Variants in SF3B2 observed in about 807,000 individuals in gnomAD.
The protein encoded by SF3B2 is SAP 145.
Under a neutral mutation model 116.3 loss-of-function variants are expected in SF3B2, and 22 were observed. That is an observed-to-expected ratio of 0.19 (90% CI 0.14 to 0.27). SF3B2 has a LOEUF of 0.27. SF3B2 is among the 10% of genes least tolerant of loss of function. The pLI is 1.00. For synonymous variants in SF3B2, 406 were observed against 421.6 expected (o/e 0.96, Z 0.45); for missense variants, 767 against 1,151.4 (o/e 0.67, Z 4.83).
At chr11:66,054,967 G>A in intron 3 of SF3B2, 109 bp from the exon 4 acceptor site, 1 of 1,040,390 alleles carries the variant, frequency 9.6e-7, no homozygotes, top group East Asian at 2.5e-5. Context: ...TGGTAACTAT[G>A]TATCATTTGA....
chr11:66,059,966 A>G lies in SF3B2; in HGVS notation c.1586A>G (p.Lys529Arg). 6.2e-7 allele frequency: 1 copy of G among 1,614,196 alleles called. No homozygotes were observed. The change falls in exon 13 of 22, where the codon AAA (lysine) becomes AGA (arginine). Residue 529 changes from lysine to arginine, a missense_variant. By Grantham distance (26) the Lys-to-Arg change is conservative. Coordinates refer to ENST00000322535, the MANE Select transcript of SF3B2 (RefSeq NM_006842.3). The surrounding 1 kb of genome is among the most constrained non-coding windows in gnomAD (Gnocchi z 5.0). ...KPPFELPDFI[K>R]RTGIQEMREA... is the part of the protein sequence containing the mutation. ...CCCTTCGAGCTGCCAGACTTCATCA[A>G]ACGCACAGGCATCCAGGAGATGCGA...
intron 6 of SF3B2, 30 bp from the exon 7 acceptor site, chr11:66,057,236 G>A (rs1423645704): frequency 7.3e-7 from 1 of 1,362,044 alleles, no homozygotes; most frequent in Admixed American, 1.7e-5. Context: ...TGCCTCTTCT[G>A]ACATTGGATT....
rs1482280026 is a variant in SF3B2, at chr11:66,067,985, G to A, written c.2370G>A (p.Lys790=). Residue 790 remains lysine, a synonymous_variant, in exon 20 of 22, where the codon AAG becomes AAA. Transcript: ENST00000322535. ...AGCTCTTCACTGTGTTGCCAGAGAA[G>A]AGAACAGCCACTGTTGGAGGGGCCA... ...TPQLFTVLPE[K]RTATVGGAMM... 1 of 1,614,084 alleles carries A rather than the reference G, an allele frequency of 6.2e-7. No homozygotes were observed. The highest frequency in any genetic ancestry group is 8.5e-7 in the Non-Finnish European group (1 of 1,180,050).
chr11:66,068,829 G>A lies in SF3B2; in HGVS notation c.*84G>A. ...GAACCACCTCTCCCGCAGTTCCCAA[G>A]GACTTGTCATTTCATGTTCTTATTT... On this transcript the variant is annotated 3_prime_UTR_variant, in exon 22 of 22. Transcript: ENST00000322535. 1 of 1,055,240 alleles carries A rather than the reference G, an allele frequency of 9.5e-7. No homozygotes were observed. Among genetic ancestry groups the A allele is most frequent in the Non-Finnish European group, 1.4e-6 (1 of 693,868 alleles). The allele number at this position is 1,055,240 out of a possible 1,614,324, so 65.4% of individuals were successfully genotyped here.
intron 2 of SF3B2, 50 bp from the exon 3 acceptor site, chr11:66,052,977 T>C (rs1856913467): frequency 6.4e-7 from 1 of 1,562,188 alleles, no homozygotes; most frequent in Non-Finnish European, 8.8e-7. Flanking sequence ...GAACGTCGTT[T>C]AGTGAAACAG....
At chr11:66,068,626 G>C in intron 21 of SF3B2, 48 bp from the exon 22 acceptor site, 1 of 1,544,872 alleles carries the variant, frequency 6.5e-7, no homozygotes, top group African/African-American at 1.4e-5. Context: ...TTGGGGGTCC[G>C]GGGGTGGTTC....
chr11:66,057,594 C>T (rs56332422), intron 7 of SF3B2, among the ~76,000 whole-genome samples: 1 of 152,092 alleles, frequency 6.6e-6, no homozygotes, highest in Non-Finnish European at 1.5e-5. Context: ...CTAAACCCCA[C>T]TGAGCCCAGT....
intron 19 of SF3B2, among the ~76,000 whole-genome samples, chr11:66,064,114 A>G (rs1857140450): frequency 6.6e-6 from 1 of 152,216 alleles, no homozygotes; most frequent in South Asian, 2.1e-4. Context: ...GGGATGGGCT[A>G]GTATTTTGAA....
chr11:66,056,769 A>G, intron 5 of SF3B2, 69 bp from the exon 6 acceptor site: 1 of 1,173,872 alleles, frequency 8.5e-7, no homozygotes, highest in Non-Finnish European at 1.3e-6. Flanking sequence ...GGCTGAAAGA[A>G]TGCATTTGCC....
At chr11:66,062,448 G>A (rs1331809357) in intron 16 of SF3B2, among the ~76,000 whole-genome samples, 3 of 150,304 alleles carry the variant, frequency 2.0e-5, no homozygotes, top group Admixed American at 6.6e-5. Context: ...ACTAGCCTGG[G>A]CAACATAGTG....
intron 14 of SF3B2, among the ~76,000 whole-genome samples, chr11:66,061,441 C>T (rs974252182): frequency 2.0e-5 from 3 of 152,138 alleles, no homozygotes; most frequent in African/African-American, 7.2e-5. Context: ...CTGTCGAGTG[C>T]CCTCATTTTA....
In SF3B2 at chr11:66,061,671, C is replaced by G; in HGVS notation, c.1780-15C>G. On this transcript the variant is annotated splice_polypyrimidine_tract_variant and intron_variant, in intron 14 of 21. Coordinates refer to ENST00000322535, the MANE Select transcript of SF3B2 (RefSeq NM_006842.3). ...GTCTGGGTCTACAATGTAGCATGCT[C>G]TGCTTTTCCCTCAGGGGAAGGAGTT... 1 of 1,603,866 alleles carries G rather than the reference C, an allele frequency of 6.2e-7. No individual in the cohort carries two copies.
chr11:66,061,620 G>C, intron 14 of SF3B2, 66 bp from the exon 15 acceptor site: 3 of 1,176,048 alleles, frequency 2.6e-6, no homozygotes, highest in Non-Finnish European at 3.8e-6. Context: ...TATCTGATGT[G>C]CGTTAGGATT....
intron 19 of SF3B2, among the ~76,000 whole-genome samples, chr11:66,064,072 T>G (rs943962279): frequency 6.6e-6 from 1 of 152,166 alleles, no homozygotes; most frequent in Non-Finnish European, 1.5e-5. Flanking sequence ...GAAGTAACAG[T>G]AAATGCAAGC....
At chr11:66,063,989 G>T (rs1170386528) in intron 19 of SF3B2, among the ~76,000 whole-genome samples, 1 of 152,182 alleles carries the variant, frequency 6.6e-6, no homozygotes, top group Non-Finnish European at 1.5e-5. Context: ...CCTTTGGGAA[G>T]GCCTCACTGG....
intron 16 of SF3B2, among the ~76,000 whole-genome samples, chr11:66,062,449 C>T (rs1590715576): frequency 7.3e-6 from 1 of 137,392 alleles, no homozygotes; most frequent in African/African-American, 2.7e-5. Flanking sequence ...CTAGCCTGGG[C>T]AACATAGTGA....
intron 7 of SF3B2, 75 bp from the exon 8 acceptor site, chr11:66,057,979 A>G: frequency 8.3e-7 from 1 of 1,201,556 alleles, no homozygotes; most frequent in Non-Finnish European, 1.2e-6. Flanking sequence ...TCTCAAAAAA[A>G]AAAAAAAGAA....
chr11:66,063,530 C>A lies in SF3B2; in HGVS notation c.2216C>A (p.Thr739Asn). Residue 739 changes from threonine (T) to asparagine (N), a missense_variant, in exon 18 of 22, where the codon ACC becomes AAC. Coordinates refer to ENST00000322535, the MANE Select transcript of SF3B2 (RefSeq NM_006842.3). ...AAACCAGATGAGACAGGCTTTATTA[C>A]CCCTGCAGACAGGTGGGGGAAGCAG... ...EDKPDETGFI[T>N]PADSGLITPG... 2 of 1,613,556 alleles carry A rather than the reference C, an allele frequency of 1.2e-6. No homozygotes were observed. Among genetic ancestry groups the A allele is most frequent in the Non-Finnish European group, 1.7e-6 (2 of 1,179,738 alleles).
Position 66,052,789 on chromosome 11 carries a change from C to T in SF3B2, c.180+70C>T, listed in dbSNP as rs527813059. On this transcript the variant is annotated intron_variant, in intron 2 of 21. Coordinates refer to ENST00000322535, the MANE Select transcript of SF3B2 (RefSeq NM_006842.3). ...GGAGACCTTATATACCCCATCACGG[C>T]TCGGTCTTCATTCTTTCTTTATCTC... The T allele has an allele frequency of 1.8e-5, 27 of 1,482,978 alleles. No individual in the cohort carries two copies. In the Middle Eastern group the frequency reaches 1.3e-3, roughly 69 times the overall value. 91.9% of individuals were successfully genotyped at this position (1,482,978 alleles called of 1,614,324 possible).
Sources: allele counts gnomAD v4.1 joint callset (sites outside exome capture counted in the v4.1 genomes callset), GRCh38; gene constraint gnomAD v4.1.1; non-coding constraint Gnocchi (gnomAD v3.1); transcripts MANE v1.5; gene names NCBI Gene and HGNC (gene_info 2026-07-23, HGNC 2026-07-21).